The following ADAMTS6 variants were observed in gnomAD, a reference collection of about 807,000 sequenced individuals.
The protein encoded by ADAMTS6 is A disintegrin and metalloproteinase with thrombospondin motifs 6.
In ADAMTS6, 23 loss-of-function variants were observed where a neutral mutation model predicts 144.3. The ratio of observed to expected loss-of-function variants is 0.16; its 90% CI spans 0.11 to 0.23. ADAMTS6 has a LOEUF of 0.23. Ranked by LOEUF, ADAMTS6 falls within the 10% of genes least tolerant of loss-of-function variation. The pLI is 1.00. For missense variants in ADAMTS6, 999 were observed against 1,379.6 expected (o/e 0.72, Z 4.37); for synonymous variants, 444 against 457.5 (o/e 0.97, Z 0.38).
chr5:65,326,230 T>C (rs1401609289), intron 9 of ADAMTS6, among the ~76,000 whole-genome samples: 1 of 152,310 alleles, frequency 6.6e-6, no homozygotes, highest in African/African-American at 2.4e-5. Flanking sequence ...TATAATCTTT[T>C]CAACTTATAA....
intron 7 of ADAMTS6, among the ~76,000 whole-genome samples, chr5:65,448,607 C>A (rs1758467687): frequency 6.6e-6 from 1 of 152,044 alleles, no homozygotes; most frequent in South Asian, 2.1e-4. Flanking sequence ...CGCCCGCAAC[C>A]ACGCCTGGCT....
rs1481005633 is a variant in ADAMTS6, at chr5:65,215,469, T to A, written c.2291A>T (p.Asp764Val). The A allele has an allele frequency of 1.2e-6, 2 of 1,604,798 alleles. No individual in the cohort carries two copies. Among genetic ancestry groups the A allele is most frequent in the South Asian group, 2.3e-5 (2 of 88,450 alleles). Residue 764 changes from aspartate (D) to valine (V), a missense_variant, in exon 19 of 25, where the codon GAT becomes GTT. Transcript: ENST00000381055. ...CCAGGCACCATTAATATAGTAATCATCTCCTTCAGATTTTAAAGCTAGAAA... is the reference window on the plus strand; with the variant it reads ...CCAGGCACCATTAATATAGTAATCAACTCCTTCAGATTTTAAAGCTAGAAA... ...KNYIALKSEG[D>V]DYYINGAWTI...
At chr5:65,435,270 T>C (rs543884780) in intron 7 of ADAMTS6, among the ~76,000 whole-genome samples, 119 of 152,288 alleles carry the variant, frequency 7.8e-4, no homozygotes, top group African/African-American at 2.7e-3. Flanking sequence ...ATAGGGAGGA[T>C]ACATACAAAT....
At chr5:65,197,769 CCT>C (rs1755481111) in intron 20 of ADAMTS6, among the ~76,000 whole-genome samples, 1 of 152,100 alleles carries the variant, frequency 6.6e-6, no homozygotes, top group Admixed American at 6.5e-5. Context: ...AGAGTTGACC[CCT>C]GTTGATTATA....
chr5:65,423,445 CA>C (rs1756239965), intron 7 of ADAMTS6, among the ~76,000 whole-genome samples: 1 of 152,086 alleles, frequency 6.6e-6, no homozygotes, highest in Non-Finnish European at 1.5e-5. Context: ...AATAAGGTAA[CA>C]AAATTTGGAT....
chr5:65,463,176 G>C (rs1759753556), intron 3 of ADAMTS6, among the ~76,000 whole-genome samples: 1 of 151,724 alleles, frequency 6.6e-6, no homozygotes, highest in Non-Finnish European at 1.5e-5. Context: ...AAAGGACAGA[G>C]AATAATTAGA....
At chr5:65,340,370 C>T (rs1199089316) in intron 7 of ADAMTS6, among the ~76,000 whole-genome samples, 3 of 152,054 alleles carry the variant, frequency 2.0e-5, no homozygotes, top group Non-Finnish European at 4.4e-5. Context: ...ACAAGACATG[C>T]TCAGGGAAAT....
At chr5:65,270,708 G>C (rs979739867) in intron 12 of ADAMTS6, among the ~76,000 whole-genome samples, 2 of 152,054 alleles carry the variant, frequency 1.3e-5, no homozygotes, top group African/African-American at 4.8e-5. Context: ...TTGTAGATAA[G>C]TTTTAGACAG....
intron 7 of ADAMTS6, among the ~76,000 whole-genome samples, chr5:65,339,464 A>G (rs1747617731): frequency 6.6e-6 from 1 of 151,920 alleles, no homozygotes; most frequent in African/African-American, 2.4e-5. Flanking sequence ...GCAAAAAAAA[A>G]AAAAATGCAA....
intron 7 of ADAMTS6, among the ~76,000 whole-genome samples, chr5:65,414,306 T>C (rs145663904): frequency 7.6e-4 from 116 of 152,302 alleles, no homozygotes; most frequent in African/African-American, 2.7e-3. Flanking sequence ...TTTTGTTATT[T>C]CTTTGTGTCT....
At chr5:65,303,825 A>G (rs567675582) in intron 9 of ADAMTS6, among the ~76,000 whole-genome samples, 84 of 152,262 alleles carry the variant, frequency 5.5e-4, no homozygotes, top group Middle Eastern at 7.0e-3. Flanking sequence ...TATGGCATTT[A>G]GATTAAACTG....
rs1018724901 is a variant in ADAMTS6, at chr5:65,372,180, A to G, written c.1074-38095T>C. 1.4e-5 allele frequency among the ~76,000 whole-genome samples: 2 copies of G among 139,784 alleles called. 1 individual carries two copies. The highest frequency in any genetic ancestry group is 6.4e-5 in the African/African-American group (2 of 31,384). 91.7% of individuals were successfully genotyped at this position (139,784 alleles called of 152,430 possible). On this transcript the variant is annotated intron_variant, in intron 7 of 24. Transcript: ENST00000381055. ...CCACTGCAAAATCATGCCAAAATGT[A>G]AAGACCATCTGCATCAACTACCGAG...
intron 7 of ADAMTS6, among the ~76,000 whole-genome samples, chr5:65,342,976 G>C (rs1747989662): frequency 6.6e-6 from 1 of 151,914 alleles, no homozygotes; most frequent in Non-Finnish European, 1.5e-5. Context: ...AAATACTTGG[G>C]AATAAATTTA....
Position 65,452,154 on chromosome 5 carries a change from T to G in ADAMTS6, c.906A>C (p.Leu302Phe), listed in dbSNP as rs752517607. ...GNVVNIIVAR[L>F]IVLTEDQPNL... ...TTACCTGATCTTCTGTGAGAACAAT[T>G]AAGCGGGCCACTATAATATTCACAA... is the stretch of plus-strand genomic sequence containing the variant. Residue 302 changes from leucine to phenylalanine, a missense_variant, in exon 6 of 25, where the codon TTA (leucine) becomes TTC (phenylalanine). This residue lies in a region of ADAMTS6 where 128 missense variants were observed against 249.0 expected (regional missense o/e 0.51). Transcript: ENST00000381055. 6.2e-7 allele frequency: 1 copy of G among 1,610,576 alleles called. No homozygotes were observed. The highest frequency in any genetic ancestry group is 1.1e-5 in the South Asian group (1 of 90,380).
intron 9 of ADAMTS6, among the ~76,000 whole-genome samples, chr5:65,320,611 A>G (rs934212216): frequency 2.6e-5 from 4 of 151,526 alleles, no homozygotes; most frequent in African/African-American, 9.7e-5. Context: ...TACATAGGTA[A>G]ATTTGTGTCA....
intron 3 of ADAMTS6, among the ~76,000 whole-genome samples, chr5:65,464,544 A>G (rs995756253): frequency 1.3e-5 from 2 of 152,230 alleles, no homozygotes; most frequent in Admixed American, 1.3e-4. Flanking sequence ...ATTTCCATTA[A>G]GAATTAGTAA....
intron 7 of ADAMTS6, among the ~76,000 whole-genome samples, chr5:65,433,269 A>C (rs1270393830): frequency 6.6e-6 from 1 of 152,158 alleles, no homozygotes; most frequent in Non-Finnish European, 1.5e-5. Context: ...TAATAGCTCC[A>C]AATTATTAAT....
intron 7 of ADAMTS6, among the ~76,000 whole-genome samples, chr5:65,377,828 T>C (rs1053768624): frequency 2.0e-5 from 3 of 152,126 alleles, no homozygotes; most frequent in Non-Finnish European, 4.4e-5. Context: ...TTCTGGAGGG[T>C]AGAAGTTTGA....
intron 13 of ADAMTS6, among the ~76,000 whole-genome samples, 154 bp from the exon 14 acceptor site, chr5:65,260,817 T>G (rs1461184064): frequency 6.6e-6 from 1 of 152,132 alleles, no homozygotes; most frequent in Non-Finnish European, 1.5e-5. Context: ...TGGTGATTGT[T>G]AGCAATAATT....
Sources: gnomAD v4.1 joint callset for allele counts (sites outside exome capture counted in the v4.1 genomes callset) on GRCh38, gnomAD v4.1.1 for gene constraint, gnomAD v4.1.1 regional missense constraint, MANE v1.5 for transcripts, NCBI Gene and HGNC (gene_info 2026-07-23, HGNC 2026-07-21) for gene names.